The following SMCO1 variants were observed in gnomAD, a reference collection of about 807,000 sequenced individuals.
SMCO1 encodes single-pass membrane and coiled-coil domain-containing protein 1.
Under a neutral mutation model 7.5 loss-of-function variants are expected in SMCO1, and 9 were observed. That is an observed-to-expected ratio of 1.20 (90% CI 0.72 to 2.09). The LOEUF (loss-of-function observed/expected upper bound fraction) is 2.09, where lower values mean the gene tolerates loss of function less well. SMCO1 is among the 30% of genes most tolerant of loss of function. The pLI is 0.00. For synonymous variants in SMCO1, 90 were observed against 93.8 expected (o/e 0.96, Z 0.23); for missense variants, 219 against 253.1 (o/e 0.87, Z 0.91).
At chr3:196,513,801 A>G (rs1478420697) in intron 1 of SMCO1, among the ~76,000 whole-genome samples, 2 of 152,194 alleles carry the variant, frequency 1.3e-5, no homozygotes, top group Non-Finnish European at 2.9e-5. Flanking sequence ...CCTCTCACCA[A>G]AGGACAGTCC....
upstream of SMCO1, among the ~76,000 whole-genome samples, chr3:196,519,088 T>C (rs1478166371): frequency 6.6e-6 from 1 of 152,242 alleles, no homozygotes; most frequent in East Asian, 1.9e-4. Context: ...AGCTAGCCTG[T>C]TGCAAAATTT....
intron 1 of SMCO1, 77 bp downstream of exon 1, chr3:196,515,083 T>C (rs775636320): frequency 6.6e-7 from 1 of 1,523,354 alleles, no homozygotes; most frequent in South Asian, 1.1e-5. Flanking sequence ...TCTTTATTTC[T>C]ATTCTTCATT....
At chr3:196,512,332 T>C (rs1733266048) in intron 1 of SMCO1, among the ~76,000 whole-genome samples, 2 of 152,108 alleles carry the variant, frequency 1.3e-5, no homozygotes, top group South Asian at 4.1e-4. Context: ...AGGGAAGTGA[T>C]GCGTCAACAC....
intron 2 of SMCO1, 33 bp from the exon 3 acceptor site, chr3:196,508,364 C>A: frequency 6.5e-7 from 1 of 1,531,932 alleles, no homozygotes; most frequent in South Asian, 1.3e-5. Flanking sequence ...CTTAAGCGGT[C>A]AAAAATATTT....
chr3:196,508,227 A>G lies in SMCO1; in HGVS notation c.305T>C (p.Leu102Pro). 6.2e-7 allele frequency: 1 copy of G among 1,614,198 alleles called. No individual in the cohort carries two copies. Residue 102 changes from leucine to proline, a missense_variant, in exon 3 of 3, where the codon CTT becomes CCT. By Grantham distance (98) the Leu-to-Pro change is moderately conservative (BLOSUM62 -3). Transcript: ENST00000397537. Reference protein sequence around the residue: ...LEKLPDLVRGLPTLASVLRRK... With the variant: ...LEKLPDLVRGPPTLASVLRRK... ...TCTGAGTACAGAGGCTAAGGTTGGA[A>G]GACCTCTCACCAGGTCTGGCAGCTT...
upstream of SMCO1, among the ~76,000 whole-genome samples, chr3:196,520,005 T>C (rs1452577954): frequency 2.0e-5 from 3 of 152,194 alleles, no homozygotes; most frequent in Admixed American, 2.0e-4. Flanking sequence ...ACTAAATGGA[T>C]GGCTTTTTCT....
chr3:196,509,700 A>G (rs749812892), intron 1 of SMCO1, 31 bp from the exon 2 acceptor site: 11 of 1,586,416 alleles, frequency 6.9e-6, no homozygotes, highest in Non-Finnish European at 9.5e-6. Flanking sequence ...GGGTTAGTTT[A>G]GGTTACAGGA....
intron 1 of SMCO1, chr3:196,514,955 T>C (rs1262142831): frequency 6.9e-6 from 4 of 580,626 alleles, no homozygotes; most frequent in African/African-American, 1.9e-5. Context: ...TTCGCCAGGC[T>C]GGTCTCAATC....
rs374161422 is a variant in SMCO1, at chr3:196,509,509, T to C, written c.200+11A>G. ...CCACAGAATCCCACTGATTTCTCAA[T>C]TGATACTCACTGGAGTGCCCGAACT... On this transcript the variant is annotated intron_variant, in intron 2 of 2. Coordinates refer to ENST00000397537, the MANE Select transcript of SMCO1 (RefSeq NM_001077657.3). The C allele has an allele frequency of 1.2e-4, 192 of 1,600,936 alleles. No homozygotes were observed. The highest frequency in any genetic ancestry group is 4.8e-4 in the African/African-American group (36 of 74,652).
At chr3:196,518,900 G>A (rs919381010), upstream of SMCO1, among the ~76,000 whole-genome samples, 5 of 152,178 alleles carry the variant, frequency 3.3e-5, no homozygotes, top group African/African-American at 4.8e-5. Context: ...CACTGGGCAC[G>A]TTGGCCATGC....
At chr3:196,519,397 C>T (rs117398144), upstream of SMCO1, among the ~76,000 whole-genome samples, 1 of 152,320 alleles carries the variant, frequency 6.6e-6, no homozygotes, top group East Asian at 1.9e-4. Context: ...TGTAGCTTCC[C>T]AATTTTTCCA....
upstream of SMCO1, among the ~76,000 whole-genome samples, chr3:196,519,104 C>CT (rs1733445526): frequency 6.6e-6 from 1 of 152,212 alleles, no homozygotes; most frequent in African/African-American, 2.4e-5. Context: ...AATTTCCCTT[C>CT]TTTTTCTATC....
upstream of SMCO1, among the ~76,000 whole-genome samples, chr3:196,519,870 C>T (rs956345045): frequency 5.3e-5 from 8 of 152,122 alleles, no homozygotes; most frequent in Non-Finnish European, 8.8e-5. Flanking sequence ...GAGAGTCACA[C>T]CTACAACCAC....
At chr3:196,520,755 T>C in the SMCO1 span, among the ~76,000 whole-genome samples, 1 of 151,930 alleles carries the variant, frequency 6.6e-6, no homozygotes, top group East Asian at 1.9e-4. Context: ...AGCAGAAAAA[T>C]ATGGAGATGT....
chr3:196,511,189 G>C (rs1216503654), intron 1 of SMCO1, among the ~76,000 whole-genome samples: 1 of 134,452 alleles, frequency 7.4e-6, no homozygotes, highest in Non-Finnish European at 1.5e-5. Flanking sequence ...AAACCTGCCT[G>C]GGCCACCTAG....
chr3:196,515,484 A>C, upstream of SMCO1: 1 of 432,066 alleles, frequency 2.3e-6, no homozygotes, highest in East Asian at 4.3e-5. Flanking sequence ...GTACATTAAC[A>C]TACAGCAACA....
chr3:196,512,545 C>A (rs1733275208), intron 1 of SMCO1, among the ~76,000 whole-genome samples: 2 of 123,010 alleles, frequency 1.6e-5, no homozygotes, highest in African/African-American at 3.5e-5. Flanking sequence ...TGGAGTCTTG[C>A]TCTGTCGCCA....
upstream of SMCO1, among the ~76,000 whole-genome samples, chr3:196,518,808 G>T (rs1031284678): frequency 6.6e-6 from 1 of 152,176 alleles, no homozygotes; most frequent in African/African-American, 2.4e-5. Context: ...TTAAAGACAC[G>T]GTTAGTGTGG....
At chr3:196,516,704 A>G, upstream of SMCO1, among the ~76,000 whole-genome samples, 1 of 152,172 alleles carries the variant, frequency 6.6e-6, no homozygotes, top group East Asian at 1.9e-4. Flanking sequence ...GTCCTCAAGG[A>G]ACATACTAGC....
Sources: gnomAD v4.1 joint callset for allele counts (sites outside exome capture counted in the v4.1 genomes callset) on GRCh38, gnomAD v4.1.1 for gene constraint, MANE v1.5 for transcripts, NCBI Gene and HGNC (gene_info 2026-07-23, HGNC 2026-07-21) for gene names.